C6orf62: variants seen among roughly 807,000 people sequenced by gnomAD.
C6orf62 encodes the protein uncharacterized protein C6orf62.
In C6orf62, 16 loss-of-function variants were observed where a neutral mutation model predicts 26.8. The ratio of observed to expected loss-of-function variants is 0.60; its 90% CI spans 0.40 to 0.91. The LOEUF (loss-of-function observed/expected upper bound fraction) is 0.91, where lower values mean the gene tolerates loss of function less well. Ranked by LOEUF, C6orf62 falls within the 40% of genes least tolerant of loss-of-function variation. C6orf62 has a pLI of 0.00. For missense variants in C6orf62, 192 were observed against 271.4 expected (o/e 0.71, Z 2.06); for synonymous variants, 112 against 91.5 (o/e 1.22, Z -1.28).
At chr6:24,716,097 A>C (rs1268884331) in intron 2 of C6orf62, 51 bp downstream of exon 2, 1 of 1,514,058 alleles carries the variant, frequency 6.6e-7, no homozygotes, top group Non-Finnish European at 9.1e-7. Context: ...GGGGAAATGC[A>C]AGGTTAATCC....
At position 24,716,547 on chromosome 6, in the gene C6orf62, G is replaced by C. The variant is rs372298129; in HGVS notation, c.130-223C>G. On this transcript the variant is annotated intron_variant, in intron 1 of 4. Coordinates refer to ENST00000378119, the MANE Select transcript of C6orf62 (RefSeq NM_030939.5). ...ACTGTCATTAGAATGTTTAATGCTT[G>C]AGTTTTATAGCATAATGGTATCCAT... 5.9e-4 allele frequency among the ~76,000 whole-genome samples: 90 copies of C among 152,184 alleles called. No homozygotes were observed. In the South Asian group the frequency reaches 0.017, roughly 29 times the overall value.
upstream of C6orf62, chr6:24,719,181 C>T: frequency 1.1e-6 from 1 of 907,986 alleles, no homozygotes; most frequent in Non-Finnish European, 1.3e-6. Context: ...AAAAACTCAC[C>T]AAAACCAAAA....
Position 24,707,620 on chromosome 6 carries a change from G to A in C6orf62, c.564+1157C>T, listed in dbSNP as rs527300074. ...CCCCCATCGGCTTCCCAAAATGCTAGGATTACAAGTGTGAGACACTGTGCC... is the reference window on the plus strand; with the variant it reads ...CCCCCATCGGCTTCCCAAAATGCTAAGATTACAAGTGTGAGACACTGTGCC... On this transcript the variant is annotated intron_variant, in intron 4 of 4. Transcript: ENST00000378119. 2.6e-5 allele frequency among the ~76,000 whole-genome samples: 4 copies of A among 152,154 alleles called. No individual in the cohort carries two copies. The South Asian group carries it at 6.2e-4, about 24-fold the overall frequency.
intron 1 of C6orf62, among the ~76,000 whole-genome samples, chr6:24,718,007 C>A (rs1042014251): frequency 2.2e-4 from 34 of 152,102 alleles, no homozygotes; most frequent in African/African-American, 8.2e-4. Flanking sequence ...AAAATGAACT[C>A]TAAGTAAAAA....
intron 2 of C6orf62, among the ~76,000 whole-genome samples, chr6:24,715,805 T>G (rs1779214236): frequency 7.4e-6 from 1 of 135,966 alleles, no homozygotes; most frequent in Non-Finnish European, 1.5e-5. Context: ...GCCAAGATCA[T>G]GCCACTGCAC....
chr6:24,708,971 T>C lies in C6orf62; in HGVS notation c.430-60A>G, dbSNP rs1426696370. ...AAACAAGTTATACTACCTATCTGCA[T>C]CTATATGCTAGCTGTGCTGTCCAAT... On this transcript the variant is annotated intron_variant, in intron 3 of 4. Transcript: ENST00000378119. 10 of 1,607,352 alleles carry C rather than the reference T, an allele frequency of 6.2e-6. No individual in the cohort carries two copies. In the East Asian group the frequency reaches 1.3e-4, roughly 22 times the overall value.
chr6:24,706,591 G>A (rs1779014370), intron 4 of C6orf62, among the ~76,000 whole-genome samples: 1 of 152,148 alleles, frequency 6.6e-6, no homozygotes, highest in African/African-American at 2.4e-5. Flanking sequence ...GGTAAGAATA[G>A]AAGCTAGTGA....
At chr6:24,714,531 A>G (rs777772101) in intron 2 of C6orf62, 91 bp from the exon 3 acceptor site, 13 of 887,200 alleles carry the variant, frequency 1.5e-5, no homozygotes, top group South Asian at 9.3e-5. Context: ...CTATAAAAAC[A>G]TTTTATAAGT....
chr6:24,707,548 G>A (rs543318839), intron 4 of C6orf62, among the ~76,000 whole-genome samples: 3 of 152,026 alleles, frequency 2.0e-5, no homozygotes, highest in Admixed American at 6.6e-5. Flanking sequence ...TTGTAGAGAT[G>A]TCGTCTCACT....
At chr6:24,711,261 CACA>C (rs1457664328) in intron 3 of C6orf62, among the ~76,000 whole-genome samples, 1 of 152,064 alleles carries the variant, frequency 6.6e-6, no homozygotes, top group African/African-American at 2.4e-5. Context: ...CACACAAACA[CACA>C]CACACAACTT....
At chr6:24,719,502 A>G, upstream of C6orf62, 2 of 1,127,150 alleles carry the variant, frequency 1.8e-6, no homozygotes, top group Non-Finnish European at 2.2e-6. Flanking sequence ...CTTCCCCATC[A>G]CCCACATTTT....
intron 2 of C6orf62, 108 bp from the exon 3 acceptor site, chr6:24,714,548 G>C: frequency 1.4e-6 from 1 of 703,810 alleles, no homozygotes; most frequent in Admixed American, 2.9e-5. Context: ...AAGTACAAAA[G>C]ATCTACCATA....
rs1778985877 is a variant in C6orf62, at chr6:24,705,316, AAAC to A, written c.*818_*820del. ...AAAAATCTCTTCTCTGTAAAACCAAAAACAAAACAAAACAAAACAAAACAAAAC... is the reference window on the plus strand; with the variant it reads ...AAAAATCTCTTCTCTGTAAAACCAAAAAAACAAAACAAAACAAAACAAAAC... On this transcript the variant is annotated 3_prime_UTR_variant, in exon 5 of 5. Transcript: ENST00000378119. The A allele has an allele frequency of 7.6e-6, 1 of 131,546 alleles. No individual in the cohort carries two copies. Among genetic ancestry groups the A allele is most frequent in the South Asian group, 2.2e-4 (1 of 4,470 alleles). The allele number at this position is 131,546 out of a possible 1,614,324, so 8.1% of individuals were successfully genotyped here. A position where few individuals can be genotyped will look rare whatever the true frequency, so the allele number is the denominator to read the frequency against.
intron 3 of C6orf62, among the ~76,000 whole-genome samples, chr6:24,713,513 T>C (rs917616145): frequency 3.9e-5 from 6 of 152,138 alleles, no homozygotes; most frequent in African/African-American, 1.4e-4. Flanking sequence ...CACAATTAGC[T>C]TAAAATAAAG....
At chr6:24,719,691 A>ATC, upstream of C6orf62, 1 of 1,481,948 alleles carries the variant, frequency 6.7e-7, no homozygotes, top group Non-Finnish European at 9.0e-7. Context: ...TTCCCTGTGG[A>ATC]TCTGCCCCCG....
At chr6:24,710,736 G>C (rs1162870496) in intron 3 of C6orf62, 1 of 661,760 alleles carries the variant, frequency 1.5e-6, no homozygotes, top group South Asian at 6.7e-5. Context: ...TGGTGGCTCA[G>C]ACCTATAATC....
At position 24,718,844 on chromosome 6, in the gene C6orf62, T is replaced by C. The variant is rs1358776547; in HGVS notation, c.-176A>G. On this transcript the variant is annotated 5_prime_UTR_variant, in exon 1 of 5. An upstream open reading frame in the 5' UTR loses its in-frame stop. Transcript: ENST00000378119. ...ACCTTCTGTCAATATTAGCAGACTG[T>C]CATATTACAGGGTCAAGAAACAAAA... The C allele has an allele frequency of 6.9e-7, 1 of 1,453,180 alleles. No homozygotes were observed. Among genetic ancestry groups the C allele is most frequent in the Non-Finnish European group, 9.0e-7 (1 of 1,111,718 alleles). 90.0% of individuals were successfully genotyped at this position (1,453,180 alleles called of 1,614,324 possible). A position where few individuals can be genotyped will look rare whatever the true frequency, so the allele number is the denominator to read the frequency against.
chr6:24,711,379 G>T (rs1173704077), intron 3 of C6orf62, among the ~76,000 whole-genome samples: 1 of 152,084 alleles, frequency 6.6e-6, no homozygotes, highest in South Asian at 2.1e-4. Context: ...GAAGAGAAAA[G>T]AAGAGATACA....
At position 24,718,682 on chromosome 6, in the gene C6orf62, T is replaced by C. The variant is rs1221593087; in HGVS notation, c.-14A>G. 1 of 1,613,748 alleles carries C rather than the reference T, an allele frequency of 6.2e-7. No individual in the cohort carries two copies. Among genetic ancestry groups the C allele is most frequent in the Non-Finnish European group, 8.5e-7 (1 of 1,179,940 alleles). ...TGGGTCCCCCATTTTGAAATACAGGTGGTACTAAAGCCTTTGGAAATTGTC... is the reference window on the plus strand; with the variant it reads ...TGGGTCCCCCATTTTGAAATACAGGCGGTACTAAAGCCTTTGGAAATTGTC... On this transcript the variant is annotated 5_prime_UTR_variant, in exon 1 of 5. Transcript: ENST00000378119.
Sources: gnomAD v4.1 joint callset for allele counts (sites outside exome capture counted in the v4.1 genomes callset) on GRCh38, gnomAD v4.1.1 for gene constraint, MANE v1.5 for transcripts, NCBI Gene and HGNC (gene_info 2026-07-23, HGNC 2026-07-21) for gene names.